The following ENOX2 variants were observed in gnomAD, a reference collection of about 807,000 sequenced individuals.
ENOX2 encodes the protein APK1 antigen.
ENOX2 carries 36 observed loss-of-function variants against 45.0 expected under a neutral mutation model. The ratio of observed to expected loss-of-function variants is 0.80; its 90% confidence interval spans 0.61 to 1.06. ENOX2 has a LOEUF of 1.06. Among genes scored for constraint, ENOX2 ranks in the 50% least tolerant of loss-of-function variants. ENOX2 has a pLI of 0.00. For missense variants in ENOX2, 423 were observed against 462.5 expected (o/e 0.91, Z 0.78); for synonymous variants, 174 against 152.3 (o/e 1.14, Z -1.05).
intron 2 of ENOX2, among the ~76,000 whole-genome samples, chrX:130,877,247 C>T (rs1395430327): frequency 8.9e-6 from 1 of 111,755 alleles, no homozygotes; most frequent in Non-Finnish European, 1.9e-5. Context: ...TATTTATATG[C>T]TGTTTCTGGC....
At chrX:130,779,895 T>G (rs181092101) in intron 3 of ENOX2, among the ~76,000 whole-genome samples, 48 of 111,279 alleles carry the variant, frequency 4.3e-4, no homozygotes, top group African/African-American at 1.5e-3. Flanking sequence ...GTCAAGTGAT[T>G]GATATGAATT....
At chrX:130,699,024 TG>T (rs967979197) in intron 4 of ENOX2, among the ~76,000 whole-genome samples, 1 of 112,184 alleles carries the variant, frequency 8.9e-6, no homozygotes, top group African/African-American at 3.2e-5. Context: ...TGGATTCATC[TG>T]GAATGACTGG....
At chrX:130,710,075 G>A (rs2038151029) in intron 3 of ENOX2, among the ~76,000 whole-genome samples, 2 of 111,856 alleles carry the variant, frequency 1.8e-5, no homozygotes, top group Non-Finnish European at 3.8e-5. Flanking sequence ...AGAGTCAACA[G>A]TTATATAATG....
chrX:130,709,183 G>C (rs2038115765), intron 3 of ENOX2: 1 of 995,817 alleles, frequency 1.0e-6, no homozygotes, highest in Non-Finnish European at 1.4e-6. Context: ...GTGCCAATAA[G>C]TGTGTTTTTA....
chrX:130,815,403 A>G (rs2077465322), intron 2 of ENOX2, among the ~76,000 whole-genome samples: 1 of 111,772 alleles, frequency 8.9e-6, no homozygotes, highest in South Asian at 3.8e-4. Context: ...AGAGAACACC[A>G]CAAAGATACT....
At chrX:130,769,173 A>G (rs950277384) in intron 3 of ENOX2, among the ~76,000 whole-genome samples, 4 of 111,635 alleles carry the variant, frequency 3.6e-5, no homozygotes, top group African/African-American at 1.3e-4. Context: ...GAAGCCAATT[A>G]TCACCCCAGA....
At chrX:130,858,743 T>C (rs138138455) in intron 2 of ENOX2, among the ~76,000 whole-genome samples, 1,241 of 111,820 alleles carry the variant, frequency 0.011, 62 homozygotes, top group Admixed American at 0.094. Flanking sequence ...CCACACCATA[T>C]TGTTATTCTG....
intron 13 of ENOX2, among the ~76,000 whole-genome samples, chrX:130,629,978 T>G (rs1048760641): frequency 8.9e-6 from 1 of 112,165 alleles, no homozygotes; most frequent in Admixed American, 9.4e-5. Context: ...TGCTAAGTGA[T>G]TTAGGTGAGT....
intron 3 of ENOX2, among the ~76,000 whole-genome samples, chrX:130,776,141 A>T (rs1389045548): frequency 8.9e-6 from 1 of 111,778 alleles, no homozygotes; most frequent in Non-Finnish European, 1.9e-5. Context: ...CTAAGCTAGG[A>T]GGAGATGAAA....
At chrX:130,809,524 C>T (rs771577578) in intron 2 of ENOX2, among the ~76,000 whole-genome samples, 8 of 111,457 alleles carry the variant, frequency 7.2e-5, no homozygotes, top group Non-Finnish European at 1.3e-4. Flanking sequence ...TTTTTATTCT[C>T]CCCAAAGTAA....
Position 130,645,876 on chromosome X carries a change from G to C in ENOX2, c.1130-8466C>G, listed in dbSNP as rs973609929. 4.4e-6 allele frequency: 3 copies of C among 676,330 alleles called. No individual in the cohort carries two copies. In the African/African-American group the frequency reaches 6.4e-5, roughly 14 times the overall value. The allele number at this position is 676,330 out of a possible 1,213,427, so 55.7% of individuals were successfully genotyped here. On this transcript the variant is annotated intron_variant, in intron 10 of 14. Coordinates refer to ENST00000394363, the MANE Select transcript of ENOX2 (RefSeq NM_006375.4). ...AGAGAGGAATCCCCTGCAGGTTCAA[G>C]ACCATGATCAGCCCATCCCGTGGAA...
intron 2 of ENOX2, among the ~76,000 whole-genome samples, chrX:130,860,859 A>T (rs888940551): frequency 8.9e-6 from 1 of 112,292 alleles, no homozygotes; most frequent in Non-Finnish European, 1.9e-5. Context: ...AGAATGGAAG[A>T]AAATATTTAC....
At chrX:130,799,005 A>C (rs2077176263) in intron 2 of ENOX2, among the ~76,000 whole-genome samples, 2 of 112,249 alleles carry the variant, frequency 1.8e-5, no homozygotes, top group Admixed American at 1.9e-4. Flanking sequence ...GTTAATATTG[A>C]GTGTCAACTT....
In ENOX2 at chrX:130,703,146, C is replaced by G. The variant is rs200961935; in HGVS notation, c.71G>C (p.Gly24Ala). 4.2e-4 allele frequency: 505 copies of G among 1,206,294 alleles called. No homozygotes were observed. Among genetic ancestry groups the G allele is most frequent in the Non-Finnish European group, 5.4e-4 (479 of 892,976 alleles). ...AGGTAAAATTGGTTGTCCGGCAATT[C>G]CCAGCGGTGCCATTCCAAGATTATT... ...AMNNLGMAPL[G>A]IAGQPILPDF... is the part of the protein sequence containing the mutation. The change falls in exon 4 of 15, where the codon GGA becomes GCA. Residue 24 changes from glycine (G) to alanine (A), a missense_variant. Around this residue, in one of 5 missense-constraint regions of ENOX2, gnomAD observed 261 missense variants for 306.8 expected, o/e 0.85. Coordinates refer to ENST00000394363, the MANE Select transcript of ENOX2 (RefSeq NM_006375.4).
chrX:130,798,757 C>T (rs1014635142), intron 2 of ENOX2, among the ~76,000 whole-genome samples: 4 of 111,734 alleles, frequency 3.6e-5, no homozygotes, highest in Admixed American at 1.9e-4. Flanking sequence ...CTTTGAATCT[C>T]ATAACCCTTG....
At chrX:130,680,729 C>T (rs746841464) in intron 5 of ENOX2, among the ~76,000 whole-genome samples, 2 of 112,638 alleles carry the variant, frequency 1.8e-5, no homozygotes, top group South Asian at 7.3e-4. Flanking sequence ...TTCCATTCAG[C>T]TCTTAACAAC....
chrX:130,646,418 C>T (rs1408235765), intron 10 of ENOX2: 1 of 197,008 alleles, frequency 5.1e-6, no homozygotes, highest in Non-Finnish European at 9.3e-6. Context: ...CAGGCCAGGC[C>T]GTGGGAAGAA....
chrX:130,761,577 T>G (rs187994774), intron 3 of ENOX2, among the ~76,000 whole-genome samples: 56 of 111,936 alleles, frequency 5.0e-4, no homozygotes, highest in Non-Finnish European at 8.3e-4. Flanking sequence ...TACTGCAAAC[T>G]TTACAGAAAG....
At chrX:130,660,266 C>A (rs1270991312) in intron 9 of ENOX2, among the ~76,000 whole-genome samples, 1 of 111,705 alleles carries the variant, frequency 9.0e-6, no homozygotes, top group Non-Finnish European at 1.9e-5. Context: ...GTAAAGAGAG[C>A]AGCAGAGGTT....
Sources: allele counts gnomAD v4.1 joint callset (sites outside exome capture counted in the v4.1 genomes callset), GRCh38; gene constraint gnomAD v4.1.1; regional missense constraint gnomAD v4.1.1; transcripts MANE v1.5; gene names NCBI Gene and HGNC (gene_info 2026-07-23, HGNC 2026-07-21).